MYO16: variants seen among roughly 807,000 people sequenced by gnomAD.
MYO16 encodes the protein myosin XVI, also known as unconventional myosin-XVI.
MYO16 carries 94 observed loss-of-function variants against 205.3 expected under a neutral mutation model. The observed-to-expected ratio is 0.46, with a 90% CI of 0.39 to 0.54. MYO16 has a LOEUF of 0.54. Among genes scored for constraint, MYO16 ranks in the 20% least tolerant of loss-of-function variants. MYO16 has a pLI of 0.00. For synonymous variants in MYO16, 988 were observed against 954.0 expected, an observed-to-expected ratio of 1.04 and a Z score of -0.66; for missense variants, 2,315 against 2,387.5, an observed-to-expected ratio of 0.97 and a Z score of 0.63.
intron 16 of MYO16, among the ~76,000 whole-genome samples, chr13:108,931,423 T>G (rs546400220): frequency 2.0e-5 from 3 of 152,284 alleles, no homozygotes; most frequent in East Asian, 3.9e-4. Context: ...AAGAAAACAT[T>G]CTCATTCTGA....
chr13:108,714,286 A>G (rs563587686), intron 3 of MYO16, among the ~76,000 whole-genome samples: 1 of 152,072 alleles, frequency 6.6e-6, no homozygotes, highest in East Asian at 1.9e-4. Flanking sequence ...GGATCTCCTG[A>G]CCTCGTGATC....
intron 2 of MYO16, among the ~76,000 whole-genome samples, chr13:108,674,238 T>A (rs1185662968): frequency 6.6e-6 from 1 of 152,154 alleles, no homozygotes; most frequent in Non-Finnish European, 1.5e-5. Flanking sequence ...AAAAGTGAAA[T>A]AAGACTGCCC....
chr13:108,653,675 A>G (rs1881112164), intron 1 of MYO16, among the ~76,000 whole-genome samples: 1 of 151,800 alleles, frequency 6.6e-6, no homozygotes, highest in South Asian at 2.1e-4. Context: ...CTTTGATAAC[A>G]TTTGTTTGTA....
At chr13:109,043,505 C>T (rs1211608831) in intron 23 of MYO16, among the ~76,000 whole-genome samples, 1 of 152,108 alleles carries the variant, frequency 6.6e-6, no homozygotes, top group African/African-American at 2.4e-5. Context: ...CTCTATATGA[C>T]AGAGTCAGAG....
intron 20 of MYO16, among the ~76,000 whole-genome samples, chr13:108,974,040 T>G (rs1884159125): frequency 6.6e-6 from 1 of 152,198 alleles, no homozygotes; most frequent in African/African-American, 2.4e-5. Flanking sequence ...ACCTTGATGC[T>G]CTGAAAGTGA....
chr13:108,970,196 A>G (rs1883957403), intron 20 of MYO16, among the ~76,000 whole-genome samples: 1 of 152,216 alleles, frequency 6.6e-6, no homozygotes, highest in African/African-American at 2.4e-5. Flanking sequence ...CAACTTTTCA[A>G]ACTGAGTTGC....
intron 4 of MYO16, among the ~76,000 whole-genome samples, chr13:108,729,862 A>G (rs1884466379): frequency 6.6e-6 from 1 of 152,226 alleles, no homozygotes; most frequent in Non-Finnish European, 1.5e-5. Context: ...TGTAGTCTCT[A>G]CTGAGTCTAG....
chr13:108,700,027 C>T (rs1883237664), intron 2 of MYO16, among the ~76,000 whole-genome samples: 1 of 151,922 alleles, frequency 6.6e-6, no homozygotes. Flanking sequence ...TCAAAGGCTT[C>T]CAACAATCTA....
the MYO16 span, among the ~76,000 whole-genome samples, chr13:108,500,213 TTTTTTTTGTTTTTTTTTTG>T: frequency 1.5e-4 from 1 of 6,784 alleles, no homozygotes; most frequent in African/African-American, 2.0e-4. Context: ...CCTGTTTTTT[TTTTTTTTGTTTTTTTTTTG>T]TTTTTTTTGT....
At chr13:108,601,409 A>G (rs771135961) in intron 1 of MYO16, among the ~76,000 whole-genome samples, 8 of 152,150 alleles carry the variant, frequency 5.3e-5, no homozygotes, top group African/African-American at 1.9e-4. Context: ...TAAATCACAT[A>G]TATATAAATT....
chr13:108,757,761 A>C (rs1484351743), intron 4 of MYO16, among the ~76,000 whole-genome samples: 3 of 152,014 alleles, frequency 2.0e-5, no homozygotes, highest in Non-Finnish European at 4.4e-5. Flanking sequence ...CAGTTTGCTG[A>C]GCTAGTTTTA....
intron 1 of MYO16, among the ~76,000 whole-genome samples, chr13:108,621,285 T>C (rs527894853): frequency 3.3e-5 from 5 of 152,264 alleles, no homozygotes; most frequent in African/African-American, 1.2e-4. Flanking sequence ...TGTTGAGTGC[T>C]CAACAAAGAC....
At position 108,619,532 on chromosome 13, in the gene MYO16, A is replaced by G. The variant is rs184071475; in HGVS notation, c.-39+23293A>G. ...CTCGAGGGTGTAAAAGTAAACATCA[A>G]TGTAGCAGCATCATGTCAGCATTTT... is the stretch of plus-strand genomic sequence containing the variant. On this transcript the variant is annotated intron_variant, in intron 1 of 24. Coordinates refer to the MYO16 transcript ENST00000251041. 3.4e-4 allele frequency among the ~76,000 whole-genome samples: 52 copies of G among 152,228 alleles called. No homozygotes were observed. The East Asian group carries it at 9.3e-3, about 27-fold the overall frequency.
At chr13:108,586,815 G>A in the MYO16 span, among the ~76,000 whole-genome samples, 1 of 152,178 alleles carries the variant, frequency 6.6e-6, no homozygotes, top group Non-Finnish European at 1.5e-5. Context: ...TCAGTCTGGA[G>A]TTACTTTCAA....
At chr13:108,872,993 A>G (rs996942410) in intron 12 of MYO16, among the ~76,000 whole-genome samples, 3 of 152,192 alleles carry the variant, frequency 2.0e-5, no homozygotes, top group Non-Finnish European at 4.4e-5. Context: ...AAGGACATAC[A>G]TTTTACATTG....
chr13:108,696,088 G>C (rs1284101073), intron 2 of MYO16, among the ~76,000 whole-genome samples: 1 of 152,118 alleles, frequency 6.6e-6, no homozygotes, highest in Non-Finnish European at 1.5e-5. Flanking sequence ...ATCCATGGAC[G>C]ATAGCATTGC....
At chr13:108,760,583 T>C (rs780087849) in intron 4 of MYO16, among the ~76,000 whole-genome samples, 7 of 152,196 alleles carry the variant, frequency 4.6e-5, no homozygotes, top group Non-Finnish European at 8.8e-5. Context: ...ACCTGACATA[T>C]AATCTTTGAA....
chr13:109,177,103 C>G (rs1231945645), intron 33 of MYO16, among the ~76,000 whole-genome samples: 1 of 152,192 alleles, frequency 6.6e-6, no homozygotes, highest in Admixed American at 6.5e-5. Flanking sequence ...TCCTTCTCGA[C>G]TTTGTTCGCC....
At position 109,075,501 on chromosome 13, in the gene MYO16, C is replaced by T. The variant is rs772843885; in HGVS notation, c.3335+19906C>T. 2.6e-5 allele frequency among the ~76,000 whole-genome samples: 4 copies of T among 151,610 alleles called. No homozygotes were observed. In the East Asian group the frequency reaches 5.8e-4, roughly 22 times the overall value. On this transcript the variant is annotated intron_variant, in intron 27 of 34. Coordinates refer to ENST00000457511, the MANE Select transcript of MYO16 (RefSeq NM_001198950.3). ...ACCTCCTGGGTTCAAGCGATTCTCC[C>T]GCCTCAGCCTCCCAAGTAGCTGGTA...
Sources: gnomAD v4.1 joint callset for allele counts (sites outside exome capture counted in the v4.1 genomes callset) on GRCh38, gnomAD v4.1.1 for gene constraint, MANE v1.5 for transcripts, NCBI Gene and HGNC (gene_info 2026-07-23, HGNC 2026-07-21) for gene names.